Variants in RHBDF2 observed in about 807,000 individuals in gnomAD.
RHBDF2 encodes inactive rhomboid protein 2.
RHBDF2 carries 38 observed loss-of-function variants against 95.2 expected under a neutral mutation model. That is an observed-to-expected ratio of 0.40 (90% confidence interval 0.31 to 0.52). RHBDF2 has a LOEUF of 0.52. RHBDF2 is among the 20% of genes least tolerant of loss of function. RHBDF2 has a pLI of 0.56. For synonymous variants in RHBDF2, 442 were observed against 462.0 expected, an observed-to-expected ratio of 0.96 and a Z score of 0.55; for missense variants, 863 against 1,137.7, an observed-to-expected ratio of 0.76 and a Z score of 3.47.
At chr17:76,486,270 T>G (rs1470948347) in intron 2 of RHBDF2, among the ~76,000 whole-genome samples, 1 of 152,092 alleles carries the variant, frequency 6.6e-6, no homozygotes, top group Non-Finnish European at 1.5e-5. Context: ...CCACCATGCC[T>G]GGGTAATGTT....
At chr17:76,500,904 C>T (rs1238677049) in intron 1 of RHBDF2, 1 of 152,464 alleles carries the variant, frequency 6.6e-6, no homozygotes, top group Non-Finnish European at 1.5e-5. Flanking sequence ...GCTCAACCAA[C>T]AAACTTCGGC....
intron 2 of RHBDF2, among the ~76,000 whole-genome samples, chr17:76,484,436 C>T (rs2074060603): frequency 6.6e-6 from 1 of 151,984 alleles, no homozygotes. Context: ...GCGTGGCATG[C>T]ACGGGTCGGC....
chr17:76,472,249 G>T (rs1002938409), intron 18 of RHBDF2, 197 bp from the exon 19 acceptor site: 3 of 616,616 alleles, frequency 4.9e-6, no homozygotes, highest in South Asian at 2.0e-5. Flanking sequence ...AACACTGAGC[G>T]CCTACTGTGT....
intron 1 of RHBDF2, among the ~76,000 whole-genome samples, chr17:76,496,977 T>C (rs1186919983): frequency 1.3e-5 from 2 of 152,172 alleles, no homozygotes; most frequent in African/African-American, 4.8e-5. Flanking sequence ...TTAGCCAGGA[T>C]GGTCCCGATC....
chr17:76,496,126 C>T (rs965982821), intron 1 of RHBDF2, among the ~76,000 whole-genome samples: 1 of 152,292 alleles, frequency 6.6e-6, no homozygotes, highest in Non-Finnish European at 1.5e-5. Flanking sequence ...GCCTCCTCTG[C>T]TGTGAGATGG....
intron 5 of RHBDF2, 24 bp downstream of exon 5, chr17:76,479,058 G>A: frequency 6.2e-7 from 1 of 1,613,172 alleles, no homozygotes; most frequent in Non-Finnish European, 8.5e-7. Flanking sequence ...CCCCACCCCT[G>A]CCTCCTTTCC....
Position 76,477,893 on chromosome 17 carries a change from T to G in RHBDF2, c.673-108A>C, listed in dbSNP as rs191552741. On this transcript the variant is annotated intron_variant, in intron 6 of 18. Transcript: ENST00000675367. The stretch of plus-strand genomic sequence containing the variant: ...GCCCATCCGCCTGCAGGCAGCGCCT[T>G]GGGAGGAGGGATCCTGCCCAAAGCG... 3,567 of 1,493,114 alleles carry G rather than the reference T, an allele frequency of 2.4e-3. 6 individuals carry two copies. Among genetic ancestry groups the G allele is most frequent in the Non-Finnish European group, 2.6e-3 (2,868 of 1,118,262 alleles). 92.5% of individuals were successfully genotyped at this position (1,493,114 alleles called of 1,614,324 possible).
chr17:76,475,563 T>C (rs1471049066), intron 9 of RHBDF2, among the ~76,000 whole-genome samples: 1 of 151,816 alleles, frequency 6.6e-6, no homozygotes. Context: ...CCACCACACC[T>C]ATCATTGCTT....
chr17:76,493,367 G>T (rs2074353803), intron 1 of RHBDF2, among the ~76,000 whole-genome samples: 1 of 152,196 alleles, frequency 6.6e-6, no homozygotes, highest in Non-Finnish European at 1.5e-5. Flanking sequence ...CGGAAGGACA[G>T]CTCATGGCAC....
At chr17:76,476,730 C>T in intron 9 of RHBDF2, 100 bp downstream of exon 9, 1 of 1,446,998 alleles carries the variant, frequency 6.9e-7, no homozygotes, top group Non-Finnish European at 9.1e-7. Flanking sequence ...AGAAGATGCT[C>T]ATGAAACACT....
chr17:76,500,246 G>C (rs1312697130), intron 1 of RHBDF2, among the ~76,000 whole-genome samples: 1 of 151,990 alleles, frequency 6.6e-6, no homozygotes, highest in Non-Finnish European at 1.5e-5. Context: ...GTCTGGTAGC[G>C]TCCCTGGCCT....
At chr17:76,497,171 C>T (rs895116303) in intron 1 of RHBDF2, among the ~76,000 whole-genome samples, 3 of 152,030 alleles carry the variant, frequency 2.0e-5, no homozygotes. Flanking sequence ...GCACCACCTG[C>T]TGGCACAGGG....
At chr17:76,484,948 T>TC (rs773054768) in intron 2 of RHBDF2, among the ~76,000 whole-genome samples, 3 of 152,108 alleles carry the variant, frequency 2.0e-5, no homozygotes, top group Non-Finnish European at 1.5e-5. Context: ...TAACGGTTCC[T>TC]CCCCAGAGAA....
At chr17:76,478,727 C>T (rs2073850047) in intron 6 of RHBDF2, 79 bp downstream of exon 6, 2 of 1,214,940 alleles carry the variant, frequency 1.6e-6, no homozygotes, top group African/African-American at 3.0e-5. Context: ...TTAGGGGATG[C>T]TACTATGAGG....
chr17:76,477,057 C>T (rs759362926), intron 8 of RHBDF2, 33 bp from the exon 9 acceptor site: 59 of 1,611,472 alleles, frequency 3.7e-5, no homozygotes, highest in Non-Finnish European at 4.8e-5. Flanking sequence ...GCCTGAATCC[C>T]CCACCAAAAT....
At position 76,471,216 on chromosome 17, in the gene RHBDF2, G is replaced by T. The variant is rs987295266; in HGVS notation, c.*417C>A. The T allele has an allele frequency of 5.4e-6, 1 of 183,534 alleles. No individual in the cohort carries two copies. The highest frequency in any genetic ancestry group is 2.4e-5 in the African/African-American group (1 of 42,342). The allele number at this position is 183,534 out of a possible 1,614,324, so 11.4% of individuals were successfully genotyped here. ...GCATGGTGGGCACCCAGCCCTGGGGGCAACTGAGGGCACAGCCACGTCCCC... is the reference window on the plus strand; with the variant it reads ...GCATGGTGGGCACCCAGCCCTGGGGTCAACTGAGGGCACAGCCACGTCCCC... On this transcript the variant is annotated 3_prime_UTR_variant, in exon 19 of 19. Transcript: ENST00000675367.
Position 76,477,801 on chromosome 17 carries a change from G to C in RHBDF2, c.673-16C>G. 1 of 1,606,810 alleles carries C rather than the reference G, an allele frequency of 6.2e-7. No individual in the cohort carries two copies. Among genetic ancestry groups the C allele is most frequent in the Non-Finnish European group, 8.5e-7 (1 of 1,179,670 alleles). ...CCGAGCGCCCCTGTGCACGGGCAGAGGCACAGCCATCAGGACCACAGCCTG... is the reference window on the plus strand; with the variant it reads ...CCGAGCGCCCCTGTGCACGGGCAGACGCACAGCCATCAGGACCACAGCCTG... On this transcript the variant is annotated splice_polypyrimidine_tract_variant and intron_variant, in intron 6 of 18. Coordinates refer to ENST00000675367, the MANE Select transcript of RHBDF2 (RefSeq NM_001005498.4).
At chr17:76,486,119 T>C (rs1215495418) in intron 2 of RHBDF2, among the ~76,000 whole-genome samples, 3 of 139,458 alleles carry the variant, frequency 2.2e-5, no homozygotes, top group Non-Finnish European at 4.7e-5. Flanking sequence ...CACACACATA[T>C]AGTTTTTGAG....
chr17:76,488,807 G>T (rs2074216233), intron 1 of RHBDF2, among the ~76,000 whole-genome samples: 1 of 152,142 alleles, frequency 6.6e-6, no homozygotes, highest in Non-Finnish European at 1.5e-5. Flanking sequence ...AAGTAGCCGG[G>T]TGTGGTGGCG....
Sources: allele counts gnomAD v4.1 joint callset (sites outside exome capture counted in the v4.1 genomes callset), GRCh38; gene constraint gnomAD v4.1.1; transcripts MANE v1.5; gene names NCBI Gene and HGNC (gene_info 2026-07-23, HGNC 2026-07-21).